Variants in CTNNA2 observed in about 807,000 individuals in gnomAD.
CTNNA2 encodes catenin alpha-2.
CTNNA2 carries 42 observed loss-of-function variants against 101.0 expected under a neutral mutation model. The ratio of observed to expected loss-of-function variants is 0.42; its 90% CI spans 0.32 to 0.54. The LOEUF (loss-of-function observed/expected upper bound fraction) is 0.54. Ranked by LOEUF, CTNNA2 falls within the 20% of genes least tolerant of loss-of-function variation. CTNNA2 has a pLI of 0.14. For synonymous variants in CTNNA2, 450 were observed against 456.4 expected, an observed-to-expected ratio of 0.99 and a Z score of 0.18; for missense variants, 871 against 1,223.1, an observed-to-expected ratio of 0.71 and a Z score of 4.29.
intron 1 of CTNNA2, among the ~76,000 whole-genome samples, chr2:79,606,626 A>G (rs558861273): frequency 6.6e-6 from 1 of 152,192 alleles, no homozygotes; most frequent in East Asian, 1.9e-4. Flanking sequence ...TTAAATATAT[A>G]AAAGTAAAAT....
chr2:80,512,374 A>G (rs2149554430), intron 9 of CTNNA2, among the ~76,000 whole-genome samples: 1 of 152,254 alleles, frequency 6.6e-6, no homozygotes, highest in Non-Finnish European at 1.5e-5. Flanking sequence ...CAGATATAAA[A>G]ATAAAACTTC....
chr2:79,709,647 C>G (rs1052939803), intron 2 of CTNNA2, among the ~76,000 whole-genome samples: 2 of 152,078 alleles, frequency 1.3e-5, no homozygotes, highest in African/African-American at 4.8e-5. Flanking sequence ...GCAGGAGTGA[C>G]TACTGCAGTA....
In CTNNA2 at chr2:80,574,254, T is replaced by C. The variant is rs1438900692; in HGVS notation, c.1833T>C (p.Asp611=). ...CGTTTGAGGAGAATGAGTTCATCGA[T>C]GCCTCTCGCCTGGTGTATGATGGCG... ...PQPFEENEFI[D]ASRLVYDGVR... Residue 611 remains aspartate, a synonymous_variant, in exon 13 of 19, where the codon GAT becomes GAC. Coordinates refer to ENST00000402739, the MANE Select transcript of CTNNA2 (RefSeq NM_001282597.3). 1.2e-6 allele frequency: 2 copies of C among 1,613,764 alleles called. No individual in the cohort carries two copies. The highest frequency in any genetic ancestry group is 1.1e-5 in the South Asian group (1 of 91,072).
intron 1 of CTNNA2, among the ~76,000 whole-genome samples, chr2:79,561,992 G>C (rs1674810403): frequency 6.6e-6 from 1 of 151,768 alleles, no homozygotes; most frequent in Admixed American, 6.6e-5. Flanking sequence ...TTTTATTTTG[G>C]TTTCTTGCTC....
chr2:80,215,775 A>G (rs1036071696), intron 7 of CTNNA2, among the ~76,000 whole-genome samples: 1 of 151,836 alleles, frequency 6.6e-6, no homozygotes, highest in Non-Finnish European at 1.5e-5. Flanking sequence ...GAGAACCACT[A>G]CTCTCTTCAA....
At position 80,231,217 on chromosome 2, in the gene CTNNA2, C is replaced by T. The variant is rs139109367; in HGVS notation, c.1057-161994C>T. 6.0e-3 allele frequency among the ~76,000 whole-genome samples: 919 copies of T among 152,126 alleles called. 12 individuals carry two copies. Among genetic ancestry groups the T allele is most frequent in the African/African-American group, 0.021 (867 of 41,502 alleles). ...TCTTGATCTCAGTCTGAAGTCCTGA[C>T]CTCAGGTGATCCACCCTCCTCAGTC... On this transcript the variant is annotated intron_variant, in intron 7 of 18. Transcript: ENST00000402739.
At chr2:79,757,206 T>C (rs1053481774) in intron 3 of CTNNA2, among the ~76,000 whole-genome samples, 2 of 152,200 alleles carry the variant, frequency 1.3e-5, no homozygotes, top group Non-Finnish European at 2.9e-5. Context: ...TCTACACTTA[T>C]TTGTCACAAT....
At position 79,394,573 on chromosome 2, in the gene CTNNA2, C is replaced by A. The variant is rs140438312; in HGVS notation, c.-135+20560C>A. Among the ~76,000 whole-genome samples, 498 of 152,282 alleles carry A rather than the reference C, an allele frequency of 3.3e-3. 3 individuals are homozygous for A. The highest frequency in any genetic ancestry group is 4.8e-3 in the Non-Finnish European group (326 of 68,028). On this transcript the variant is annotated intron_variant, in intron 4 of 21. Transcript: ENST00000466387. ...CAACCTGGGGGTAGAGTTAATGCAG[C>A]ACACTAAGATCAAAATACCCTCTGC...
At chr2:79,330,451 G>C (rs71424874) in intron 3 of CTNNA2, among the ~76,000 whole-genome samples, 5,077 of 152,120 alleles carry the variant, frequency 0.033, 136 homozygotes, top group Non-Finnish European at 0.047. Flanking sequence ...CTCCTCTCTG[G>C]GTGGATTCTA....
chr2:79,404,019 C>T (rs1187588429), intron 4 of CTNNA2, among the ~76,000 whole-genome samples: 1 of 151,938 alleles, frequency 6.6e-6, no homozygotes, highest in South Asian at 2.1e-4. Flanking sequence ...TTATTTTGAG[C>T]TAGTTCCGTA....
At chr2:79,570,101 A>C (rs896489841) in intron 1 of CTNNA2, among the ~76,000 whole-genome samples, 6 of 152,168 alleles carry the variant, frequency 3.9e-5, no homozygotes, top group African/African-American at 1.4e-4. Flanking sequence ...CACATGCATC[A>C]ATTATATTGC....
At chr2:79,680,114 A>G (rs1305319468) in intron 2 of CTNNA2, among the ~76,000 whole-genome samples, 13 of 151,580 alleles carry the variant, frequency 8.6e-5, no homozygotes, top group Non-Finnish European at 1.5e-4. Flanking sequence ...ACTGACCCTT[A>G]TTGCCTCTCG....
chr2:80,478,784 T>A (rs1434711344), intron 9 of CTNNA2, among the ~76,000 whole-genome samples: 1 of 152,112 alleles, frequency 6.6e-6, no homozygotes, highest in Non-Finnish European at 1.5e-5. Context: ...TATAGCCTTG[T>A]AATAATTTGA....
chr2:79,659,580 C>G, intron 2 of CTNNA2, among the ~76,000 whole-genome samples: 1 of 152,146 alleles, frequency 6.6e-6, no homozygotes, highest in East Asian at 1.9e-4. Context: ...GTGTGATTAA[C>G]CCATTTCCAA....
chr2:79,977,182 A>G (rs482533), intron 7 of CTNNA2, among the ~76,000 whole-genome samples: 89,615 of 151,274 alleles, frequency 0.59, 29,934 homozygotes, highest in Non-Finnish European at 0.77. Context: ...TGAGTGATGT[A>G]ATTGCAAACG....
chr2:79,241,088 T>C (rs1436520969), intron 2 of CTNNA2, among the ~76,000 whole-genome samples: 3 of 152,216 alleles, frequency 2.0e-5, no homozygotes, highest in African/African-American at 7.2e-5. Flanking sequence ...AATAGGATTT[T>C]AAAAGTTTCA....
intron 4 of CTNNA2, among the ~76,000 whole-genome samples, chr2:79,376,001 C>A (rs1418360166): frequency 6.6e-6 from 1 of 152,120 alleles, no homozygotes; most frequent in Non-Finnish European, 1.5e-5. Flanking sequence ...AAGAATCAGA[C>A]AATTAGCATC....
chr2:79,934,143 A>G (rs940711297), intron 7 of CTNNA2, among the ~76,000 whole-genome samples: 1 of 152,248 alleles, frequency 6.6e-6, no homozygotes, highest in African/African-American at 2.4e-5. Flanking sequence ...ATATGGTCTG[A>G]AAAACATTCT....
intron 12 of CTNNA2, among the ~76,000 whole-genome samples, chr2:80,559,077 G>T (rs1217239203): frequency 6.6e-6 from 1 of 152,130 alleles, no homozygotes; most frequent in Non-Finnish European, 1.5e-5. Flanking sequence ...CCACCAAGAT[G>T]TCTCTAGACA....
Sources: gnomAD v4.1 joint callset for allele counts (sites outside exome capture counted in the v4.1 genomes callset) on GRCh38, gnomAD v4.1.1 for gene constraint, MANE v1.5 for transcripts, NCBI Gene and HGNC (gene_info 2026-07-23, HGNC 2026-07-21) for gene names.